The following PCCA variants were observed in gnomAD, a reference collection of about 807,000 sequenced individuals.
PCCA encodes propionyl-CoA carboxylase subunit alpha, also known as propionyl-CoA carboxylase alpha chain, mitochondrial.
PCCA carries 74 observed loss-of-function variants against 101.3 expected under a neutral mutation model. The ratio of observed to expected loss-of-function variants is 0.73; its 90% CI spans 0.61 to 0.89. The LOEUF (loss-of-function observed/expected upper bound fraction) is 0.89, where lower values mean the gene tolerates loss of function less well. Among genes scored for constraint, PCCA ranks in the 40% least tolerant of loss-of-function variants. The pLI, the probability that PCCA is intolerant of heterozygous loss-of-function variation, is 0.00. For missense variants in PCCA, 891 were observed against 907.0 expected (o/e 0.98, Z 0.23); for synonymous variants, 294 against 313.6 (o/e 0.94, Z 0.66).
At chr13:100,359,796 A>G (rs1295960028) in intron 18 of PCCA, among the ~76,000 whole-genome samples, 1 of 152,256 alleles carries the variant, frequency 6.6e-6, no homozygotes, top group Non-Finnish European at 1.5e-5. Flanking sequence ...TAAATTAAAA[A>G]TCAGAAGAAG....
intron 7 of PCCA, among the ~76,000 whole-genome samples, chr13:100,224,330 GC>G (rs2060014760): frequency 6.6e-6 from 1 of 152,250 alleles, no homozygotes; most frequent in Admixed American, 6.5e-5. Context: ...GGCAGGGCCA[GC>G]CGGCTGCTCC....
intron 19 of PCCA, among the ~76,000 whole-genome samples, chr13:100,381,322 G>A (rs548485863): frequency 6.6e-6 from 1 of 151,536 alleles, no homozygotes; most frequent in Non-Finnish European, 1.5e-5. Context: ...CCGGGAGGTG[G>A]AGCTTGCAGT....
At chr13:100,381,066 T>G (rs766144812) in intron 19 of PCCA, among the ~76,000 whole-genome samples, 2 of 152,162 alleles carry the variant, frequency 1.3e-5, no homozygotes, top group African/African-American at 2.4e-5. Flanking sequence ...ACTACATAGC[T>G]CTACTTTAAA....
In PCCA at chr13:100,224,559, G is replaced by A. The variant is rs543861878; in HGVS notation, c.601-11283G>A. ...CTGCCAAAGTGGGAGCGCCAAGAGC[G>A]AGCGAGGGCTGTGAGGACTGCCAGC... On this transcript the variant is annotated intron_variant, in intron 7 of 23. Coordinates refer to ENST00000376285, the MANE Select transcript of PCCA (RefSeq NM_000282.4). Among the ~76,000 whole-genome samples, 10 of 152,382 alleles carry A rather than the reference G, an allele frequency of 6.6e-5. No individual in the cohort carries two copies. The East Asian group carries it at 1.3e-3, about 21-fold the overall frequency.
chr13:100,430,276 C>T (rs1214876621), intron 20 of PCCA, among the ~76,000 whole-genome samples: 1 of 152,078 alleles, frequency 6.6e-6, no homozygotes, highest in Non-Finnish European at 1.5e-5. Context: ...CAAAAACAAA[C>T]AAACAAACAA....
chr13:100,288,881 A>G (rs1278428514), intron 12 of PCCA, among the ~76,000 whole-genome samples: 2 of 151,494 alleles, frequency 1.3e-5, no homozygotes, highest in African/African-American at 4.9e-5. Flanking sequence ...ATTTTCACAC[A>G]TACAGAAGTA....
chr13:100,446,678 T>G (rs545534478), intron 20 of PCCA, among the ~76,000 whole-genome samples: 1 of 152,220 alleles, frequency 6.6e-6, no homozygotes, highest in Non-Finnish European at 1.5e-5. Context: ...AAGGAGTCTA[T>G]TTTATTCCAT....
chr13:100,240,549 T>C (rs892526230), intron 8 of PCCA, among the ~76,000 whole-genome samples: 2 of 152,102 alleles, frequency 1.3e-5, no homozygotes, highest in Non-Finnish European at 2.9e-5. Context: ...TATAACTATT[T>C]TCTAAATTTC....
intron 8 of PCCA, among the ~76,000 whole-genome samples, chr13:100,240,289 A>G (rs1301646135): frequency 2.0e-5 from 3 of 151,800 alleles, no homozygotes; most frequent in African/African-American, 4.8e-5. Flanking sequence ...GTCTTATTGT[A>G]TACTACTCCC....
At chr13:100,244,869 C>T (rs957247862) in intron 8 of PCCA, among the ~76,000 whole-genome samples, 2 of 149,432 alleles carry the variant, frequency 1.3e-5, no homozygotes, top group Non-Finnish European at 3.0e-5. Flanking sequence ...AATATTGATT[C>T]TTATTTAAAT....
chr13:100,408,599 G>A (rs879787542), intron 19 of PCCA, among the ~76,000 whole-genome samples: 101 of 152,288 alleles, frequency 6.6e-4, no homozygotes, highest in East Asian at 2.1e-3. Context: ...TCACTGGGTG[G>A]GGCCCTTTAA....
chr13:100,143,258 G>A (rs1369335143), intron 4 of PCCA, among the ~76,000 whole-genome samples: 1 of 152,072 alleles, frequency 6.6e-6, no homozygotes, highest in Non-Finnish European at 1.5e-5. Context: ...GGCCAGGTGC[G>A]GTGGCTCATG....
intron 18 of PCCA, among the ~76,000 whole-genome samples, chr13:100,341,218 A>G (rs533379451): frequency 6.6e-6 from 1 of 152,308 alleles, no homozygotes; most frequent in Non-Finnish European, 1.5e-5. Context: ...AAATGACTGA[A>G]TGACTGGACG....
At chr13:100,098,645 T>C (rs1566460068) in intron 1 of PCCA, among the ~76,000 whole-genome samples, 1 of 152,192 alleles carries the variant, frequency 6.6e-6, no homozygotes, top group Non-Finnish European at 1.5e-5. Flanking sequence ...CAACATCTGC[T>C]ACAGCGGGAT....
intron 21 of PCCA, among the ~76,000 whole-genome samples, chr13:100,469,905 C>A (rs1036375168): frequency 3.9e-5 from 6 of 152,082 alleles, no homozygotes; most frequent in African/African-American, 1.4e-4. Flanking sequence ...TAAAAGTCAC[C>A]CCCTGCTGCA....
intron 21 of PCCA, among the ~76,000 whole-genome samples, chr13:100,454,202 C>T (rs940248482): frequency 3.3e-5 from 5 of 152,106 alleles, no homozygotes; most frequent in Non-Finnish European, 7.4e-5. Context: ...ATGTAGCTGA[C>T]ACTTTCCTCT....
At chr13:100,219,287 T>C (rs1043437847) in intron 7 of PCCA, among the ~76,000 whole-genome samples, 1 of 152,218 alleles carries the variant, frequency 6.6e-6, no homozygotes, top group African/African-American at 2.4e-5. Flanking sequence ...TGTTGCCTTT[T>C]TGATATCTTC....
intron 6 of PCCA, among the ~76,000 whole-genome samples, chr13:100,172,357 A>G (rs1341823318): frequency 5.9e-5 from 9 of 152,120 alleles, no homozygotes; most frequent in Non-Finnish European, 1.3e-4. Flanking sequence ...AATATTTTTT[A>G]GGATCTGTTA....
intron 4 of PCCA, chr13:100,154,761 G>C: frequency 1.9e-6 from 1 of 533,542 alleles, no homozygotes. Flanking sequence ...GAAATTATTT[G>C]GTTAGACAAT....
Sources: allele counts gnomAD v4.1 joint callset (sites outside exome capture counted in the v4.1 genomes callset), GRCh38; gene constraint gnomAD v4.1.1; transcripts MANE v1.5; gene names NCBI Gene and HGNC (gene_info 2026-07-23, HGNC 2026-07-21).